EPHA6: variants seen among roughly 807,000 people sequenced by gnomAD.
EPHA6 encodes EPH receptor A6.
In EPHA6, 50 loss-of-function variants were observed where a neutral mutation model predicts 112.0. The observed-to-expected ratio is 0.45, with a 90% confidence interval of 0.36 to 0.56. The LOEUF (loss-of-function observed/expected upper bound fraction) is 0.56, where lower values mean the gene tolerates loss of function less well. Among genes scored for constraint, EPHA6 ranks in the 20% least tolerant of loss-of-function variants. The pLI is 0.00. For missense variants in EPHA6, 1,280 were observed against 1,417.4 expected (o/e 0.90, Z 1.56); for synonymous variants, 529 against 490.7 (o/e 1.08, Z -1.03).
chr3:97,207,994 C>A (rs1247523060), intron 3 of EPHA6, among the ~76,000 whole-genome samples: 1 of 152,070 alleles, frequency 6.6e-6, no homozygotes, highest in African/African-American at 2.4e-5. Flanking sequence ...ATCAAGGAAC[C>A]GTATTCCAAT....
At chr3:96,945,294 G>C (rs986343717) in intron 2 of EPHA6, among the ~76,000 whole-genome samples, 2 of 152,016 alleles carry the variant, frequency 1.3e-5, no homozygotes, top group African/African-American at 4.8e-5. Context: ...TTCCTGTATA[G>C]ACCTGTGCTG....
intron 5 of EPHA6, among the ~76,000 whole-genome samples, chr3:97,381,619 C>T (rs941652229): frequency 2.6e-5 from 4 of 152,036 alleles, no homozygotes; most frequent in Non-Finnish European, 4.4e-5. Context: ...CTTCATAAGG[C>T]CAATTATGTG....
chr3:97,221,450 T>C (rs1203004256), intron 3 of EPHA6, among the ~76,000 whole-genome samples: 1 of 151,078 alleles, frequency 6.6e-6, no homozygotes, highest in African/African-American at 2.4e-5. Flanking sequence ...AATATAGACA[T>C]ATGTTGGACA....
At chr3:96,992,965 A>G (rs1219197660) in intron 3 of EPHA6, among the ~76,000 whole-genome samples, 1 of 152,178 alleles carries the variant, frequency 6.6e-6, no homozygotes, top group Non-Finnish European at 1.5e-5. Flanking sequence ...CTGTCAGATA[A>G]AAGAGGTGTA....
chr3:96,848,627 TA>T (rs200514665), intron 1 of EPHA6, among the ~76,000 whole-genome samples: 1 of 151,784 alleles, frequency 6.6e-6, no homozygotes, highest in African/African-American at 2.4e-5. Flanking sequence ...TCCGTCTATT[TA>T]AAAAAAATTA....
chr3:97,698,143 G>C (rs301924), intron 14 of EPHA6, among the ~76,000 whole-genome samples: 112,423 of 151,952 alleles, frequency 0.74, 41,850 homozygotes, highest in Middle Eastern at 0.83. Flanking sequence ...CCTGGGATTA[G>C]AGGCATGCAC....
At chr3:96,820,382 T>C (rs1409497450) in intron 1 of EPHA6, among the ~76,000 whole-genome samples, 3 of 151,846 alleles carry the variant, frequency 2.0e-5, no homozygotes, top group East Asian at 1.9e-4. Context: ...AAGAGTAGAA[T>C]TGGGAGTCAG....
chr3:97,332,849 GTC>G (rs1401096614), intron 5 of EPHA6, among the ~76,000 whole-genome samples: 2 of 151,990 alleles, frequency 1.3e-5, no homozygotes, highest in African/African-American at 4.8e-5. Flanking sequence ...ATACTACACT[GTC>G]TGGTTTACTT....
At chr3:97,339,655 A>T (rs1168078936) in intron 5 of EPHA6, among the ~76,000 whole-genome samples, 1 of 152,218 alleles carries the variant, frequency 6.6e-6, no homozygotes, top group Non-Finnish European at 1.5e-5. Flanking sequence ...GAATTAAAAT[A>T]TATAAGAAAG....
chr3:96,861,383 C>T (rs982189366), intron 1 of EPHA6, among the ~76,000 whole-genome samples: 8 of 151,430 alleles, frequency 5.3e-5, no homozygotes, highest in Middle Eastern at 6.8e-3. Flanking sequence ...GAGTGTTTTG[C>T]CCTTTTTTTT....
intron 11 of EPHA6, among the ~76,000 whole-genome samples, chr3:97,549,628 G>C (rs1211657934): frequency 6.6e-6 from 1 of 151,994 alleles, no homozygotes; most frequent in Non-Finnish European, 1.5e-5. Context: ...CTTGGCCAAA[G>C]CAAAAAGTTT....
At chr3:97,549,481 T>A (rs1347966386) in intron 11 of EPHA6, among the ~76,000 whole-genome samples, 1 of 152,118 alleles carries the variant, frequency 6.6e-6, no homozygotes, top group Non-Finnish European at 1.5e-5. Context: ...TCAGAATCTG[T>A]TAAAGGATCT....
chr3:97,298,252 A>G (rs35955777), intron 5 of EPHA6, among the ~76,000 whole-genome samples: 12,235 of 152,268 alleles, frequency 0.08, 679 homozygotes, highest in Non-Finnish European at 0.12. Flanking sequence ...TTTCAAACCT[A>G]GAGATGAGTG....
At chr3:97,182,466 G>A (rs1407192118) in intron 3 of EPHA6, among the ~76,000 whole-genome samples, 1 of 151,800 alleles carries the variant, frequency 6.6e-6, no homozygotes. Flanking sequence ...TACAATGACA[G>A]TCTTTACAGA....
At chr3:97,138,872 ACTAGCCTAATTATT>A (rs1401727696) in intron 3 of EPHA6, among the ~76,000 whole-genome samples, 5 of 152,170 alleles carry the variant, frequency 3.3e-5, no homozygotes, top group Non-Finnish European at 7.3e-5. Context: ...CTGCTTGGGA[ACTAGCCTAATTATT>A]CTGGCTACTG....
At chr3:97,525,154 A>G (rs987387415) in intron 10 of EPHA6, among the ~76,000 whole-genome samples, 5 of 152,032 alleles carry the variant, frequency 3.3e-5, no homozygotes, top group African/African-American at 1.2e-4. Context: ...ATGGTGTCCC[A>G]TATATCCCTA....
chr3:97,639,776 G>A (rs2093984702), intron 14 of EPHA6, among the ~76,000 whole-genome samples: 1 of 152,050 alleles, frequency 6.6e-6, no homozygotes, highest in African/African-American at 2.4e-5. Context: ...AGACTAAGAG[G>A]CCTAGGACAG....
chr3:96,834,235 C>G, intron 1 of EPHA6, among the ~76,000 whole-genome samples: 1 of 151,748 alleles, frequency 6.6e-6, no homozygotes, highest in Non-Finnish European at 1.5e-5. Flanking sequence ...CAGTGCATTA[C>G]ACAGGAAAAA....
intron 11 of EPHA6, among the ~76,000 whole-genome samples, chr3:97,539,555 C>T (rs571752504): frequency 2.0e-5 from 3 of 152,124 alleles, no homozygotes; most frequent in Non-Finnish European, 4.4e-5. Context: ...TTTCATTGTC[C>T]ACCATTCTTC....
Sources: allele counts gnomAD v4.1 joint callset (sites outside exome capture counted in the v4.1 genomes callset), GRCh38; gene constraint gnomAD v4.1.1; transcripts MANE v1.5; gene names NCBI Gene and HGNC (gene_info 2026-07-23, HGNC 2026-07-21).